The following DNAH11 variants were observed in gnomAD, a reference collection of about 807,000 sequenced individuals.
The protein encoded by DNAH11 is axonemal beta dynein heavy chain 11.
DNAH11 carries 442 observed loss-of-function variants against 526.0 expected under a neutral mutation model. That is an observed-to-expected ratio of 0.84 (90% CI 0.78 to 0.91). The LOEUF (loss-of-function observed/expected upper bound fraction) is 0.91, where lower values mean the gene tolerates loss of function less well. Ranked by LOEUF, DNAH11 falls within the 40% of genes least tolerant of loss-of-function variation. The probability of loss-of-function intolerance (pLI) is 0.00; values close to 1 mark genes in which losing one functional copy is unlikely to be tolerated. For synonymous variants in DNAH11, 2,461 were observed against 1,935.9 expected (o/e 1.27, Z -7.12); for missense variants, 6,989 against 5,448.7 (o/e 1.28, Z -8.90).
chr7:21,678,877 G>A (rs960652582), intron 30 of DNAH11, among the ~76,000 whole-genome samples: 2 of 151,960 alleles, frequency 1.3e-5, no homozygotes, highest in African/African-American at 4.8e-5. Flanking sequence ...CTCACTTCTG[G>A]GTATATAGGT....
chr7:21,862,008 C>T lies in DNAH11; in HGVS notation c.11358C>T (p.Ser3786=), dbSNP rs914775325. ...LFEKDKLTFL[S]QMAFQILLRK... ...AGAAGGACAAGCTCACCTTCCTGTC[C>T]CAGATGGCTTTTCAGGTAAGGAGAT... is the stretch of plus-strand genomic sequence containing the variant. The change falls in exon 69 of 82, where the codon TCC becomes TCT. Residue 3786 remains serine (S), a synonymous_variant. Coordinates refer to ENST00000409508, the MANE Select transcript of DNAH11 (RefSeq NM_001277115.2). The T allele has an allele frequency of 4.3e-6, 7 of 1,612,144 alleles. No homozygotes were observed. The African/African-American group carries it at 5.3e-5, about 12-fold the overall frequency.
intron 25 of DNAH11, among the ~76,000 whole-genome samples, chr7:21,626,387 T>C (rs915596779): frequency 1.3e-5 from 2 of 152,206 alleles, no homozygotes; most frequent in African/African-American, 4.8e-5. Flanking sequence ...ATTCTGTATT[T>C]TGGCTATTGT....
At position 21,643,288 on chromosome 7, in the gene DNAH11, T is replaced by C. The variant is rs192828334; in HGVS notation, c.4944+4223T>C. Among the ~76,000 whole-genome samples, 15 of 152,370 alleles carry C rather than the reference T, an allele frequency of 9.8e-5. No individual in the cohort carries two copies. In the East Asian group the frequency reaches 2.9e-3, roughly 29 times the overall value. Reference sequence around the variant, plus strand: ...CCTTTTGCACCCTTTCAGGTTGTTATATACTACCTTAAAATAACTGACAAC... The same window carrying C: ...CCTTTTGCACCCTTTCAGGTTGTTACATACTACCTTAAAATAACTGACAAC... On this transcript the variant is annotated intron_variant, in intron 28 of 81. Transcript: ENST00000409508.
intron 1 of DNAH11, among the ~76,000 whole-genome samples, chr7:21,543,985 T>C (rs1782705777): frequency 1.3e-5 from 2 of 152,082 alleles, no homozygotes; most frequent in Admixed American, 1.3e-4. Flanking sequence ...AATGGGGTGT[T>C]TGGCAGAGCG....
rs370277224 is a variant in DNAH11 at position 21,828,195 on chromosome 7, C to T, written c.10691+9856C>T. ...AACTCCTGACCTCAGGTGATCCACC[C>T]TCCTCGGTCTCCCAAAGTGCTGGGA... is the stretch of plus-strand genomic sequence containing the variant. On this transcript the variant is annotated intron_variant, in intron 65 of 81. Coordinates refer to ENST00000409508, the MANE Select transcript of DNAH11 (RefSeq NM_001277115.2). Among the ~76,000 whole-genome samples the T allele has an allele frequency of 1.9e-3, 290 of 152,230 alleles. 2 individuals carry two copies. Among genetic ancestry groups the T allele is most frequent in the African/African-American group, 6.9e-3 (285 of 41,556 alleles).
rs554553151 is a variant in DNAH11, at chr7:21,719,599, A to G, written c.7135-1126A>G. ...GTTTTACACTGTTTTTCTTAATAGCAAATTGGTGAGTTTTTTTCTATTAAA... is the reference window on the plus strand; with the variant it reads ...GTTTTACACTGTTTTTCTTAATAGCGAATTGGTGAGTTTTTTTCTATTAAA... On this transcript the variant is annotated intron_variant, in intron 43 of 81. Coordinates refer to ENST00000409508, the MANE Select transcript of DNAH11 (RefSeq NM_001277115.2). Among the ~76,000 whole-genome samples, 52 of 152,336 alleles carry G rather than the reference A, an allele frequency of 3.4e-4. 1 individual carries two copies. The highest frequency in any genetic ancestry group is 1.2e-3 in the African/African-American group (51 of 41,582).
intron 2 of DNAH11, among the ~76,000 whole-genome samples, chr7:21,556,283 C>T (rs1221978606): frequency 2.0e-5 from 3 of 152,188 alleles, no homozygotes; most frequent in Middle Eastern, 3.2e-3. Context: ...GTCACATCTG[C>T]AGGCTGGCTG....
intron 56 of DNAH11, among the ~76,000 whole-genome samples, chr7:21,778,441 G>A (rs1268432571): frequency 6.6e-6 from 1 of 152,194 alleles, no homozygotes; most frequent in Admixed American, 6.5e-5. Context: ...TTTTCTGTTT[G>A]ATGGGAAGAG....
intron 57 of DNAH11, among the ~76,000 whole-genome samples, chr7:21,781,329 T>C (rs1219693642): frequency 6.6e-6 from 1 of 152,190 alleles, no homozygotes; most frequent in African/African-American, 2.4e-5. Flanking sequence ...GAGAGGCAGG[T>C]TGAAATCATT....
rs778407227 is a variant in DNAH11 at position 21,748,594 on chromosome 7, G to A, written c.8525G>A (p.Arg2842Gln). 2.7e-5 allele frequency: 42 copies of A among 1,544,156 alleles called. No homozygotes were observed. The highest frequency in any genetic ancestry group is 3.9e-5 in the Admixed American group (2 of 51,912). The change falls in exon 52 of 82, where the codon CGG becomes CAG. Residue 2842 changes from arginine (R) to glutamine (Q), a missense_variant. Transcript: ENST00000409508. ...CCTTTCCTCAGGTGTCGCATCAGCC[G>A]GATCTTACGAACCCCTCAGGGCTGT... Reference protein sequence around the residue: ...DAMQHVCRISRILRTPQGCAL... With the variant: ...DAMQHVCRISQILRTPQGCAL...
intron 34 of DNAH11, among the ~76,000 whole-genome samples, chr7:21,690,051 T>G (rs1324199710): frequency 1.3e-5 from 2 of 152,238 alleles, no homozygotes; most frequent in African/African-American, 4.8e-5. Flanking sequence ...GCATTAGTCA[T>G]AGCTAACATC....
intron 54 of DNAH11, among the ~76,000 whole-genome samples, chr7:21,752,506 C>T (rs1786456413): frequency 1.3e-5 from 2 of 152,002 alleles, no homozygotes. Flanking sequence ...ATATATGTGT[C>T]TCATGTATAT....
chr7:21,638,731 T>TGC (rs1554326985), intron 27 of DNAH11, among the ~76,000 whole-genome samples: 2 of 148,858 alleles, frequency 1.3e-5, no homozygotes, highest in African/African-American at 5.0e-5. Context: ...TGTGTGTGTG[T>TGC]GTATTTGGCA....
intron 42 of DNAH11, among the ~76,000 whole-genome samples, chr7:21,715,191 T>C (rs572652352): frequency 6.6e-6 from 1 of 152,350 alleles, no homozygotes; most frequent in Admixed American, 6.5e-5. Context: ...TAGAGTCTGT[T>C]CAATTCCTTC....
chr7:21,738,846 G>A lies in DNAH11; in HGVS notation c.7791G>A (p.Gln2597=), dbSNP rs1201942688. 4 of 1,601,830 alleles carry A rather than the reference G, an allele frequency of 2.5e-6. No individual in the cohort carries two copies. Among genetic ancestry groups the A allele is most frequent in the East Asian group, 2.2e-5 (1 of 44,684 alleles). The part of the protein sequence containing the change: ...GTVQPHTLIR[Q]HIDYGHWYDR... The stretch of plus-strand genomic sequence containing the variant: ...TTCAGCCTCACACCCTGATCCGGCA[G>A]CATATTGATTATGGACATTGGTAAG... Residue 2597 remains glutamine, a synonymous_variant, in exon 47 of 82, where the codon CAG becomes CAA. Transcript: ENST00000409508.
chr7:21,704,708 G>A, intron 38 of DNAH11, 80 bp downstream of exon 38: 1 of 1,469,484 alleles, frequency 6.8e-7, no homozygotes, highest in African/African-American at 1.4e-5. Flanking sequence ...ACTAAAGCAA[G>A]ATGTTAACTT....
intron 20 of DNAH11, among the ~76,000 whole-genome samples, chr7:21,614,098 T>G (rs1405938088): frequency 6.6e-6 from 1 of 152,126 alleles, no homozygotes; most frequent in Admixed American, 6.6e-5. Flanking sequence ...AAGCATCATG[T>G]TGTACGTGAT....
chr7:21,816,664 T>C lies in DNAH11; in HGVS notation c.10530T>C (p.Tyr3510=), dbSNP rs377399710. Reference sequence around the variant, plus strand: ...GAATTAAGTGGATCAAGAATAAGTATGGAATGGACCTGAAAGTCACACATT... The same window carrying C: ...GAATTAAGTGGATCAAGAATAAGTACGGAATGGACCTGAAAGTCACACATT... The part of the protein sequence containing the change: ...QQGIKWIKNK[Y]GMDLKVTHLG... The change falls in exon 64 of 82, where the codon TAT becomes TAC. Residue 3510 remains tyrosine (Y), a synonymous_variant. Coordinates refer to ENST00000409508, the MANE Select transcript of DNAH11 (RefSeq NM_001277115.2). The C allele has an allele frequency of 2.3e-5, 37 of 1,613,502 alleles. No homozygotes were observed. The highest frequency in any genetic ancestry group is 4.0e-5 in the African/African-American group (3 of 74,882).
At chr7:21,632,067 A>G (rs1355820923) in intron 25 of DNAH11, among the ~76,000 whole-genome samples, 1 of 152,210 alleles carries the variant, frequency 6.6e-6, no homozygotes, top group Non-Finnish European at 1.5e-5. Flanking sequence ...TGGCAGACTC[A>G]ACACCACATG....
Sources: gnomAD v4.1 joint callset for allele counts (sites outside exome capture counted in the v4.1 genomes callset) on GRCh38, gnomAD v4.1.1 for gene constraint, MANE v1.5 for transcripts, NCBI Gene and HGNC (gene_info 2026-07-23, HGNC 2026-07-21) for gene names.